Variants in FSIP1 observed in about 807,000 individuals in gnomAD.
FSIP1 encodes the protein fibrous sheath-interacting protein 1.
FSIP1 carries 65 observed loss-of-function variants against 60.9 expected under a neutral mutation model. That is an observed-to-expected ratio of 1.07 (90% CI 0.87 to 1.31). FSIP1 has a LOEUF of 1.31. Ranked by LOEUF, FSIP1 falls within the 40% of genes most tolerant of loss-of-function variation. FSIP1 has a pLI of 0.00. For synonymous variants in FSIP1, 209 were observed against 221.2 expected, an observed-to-expected ratio of 0.94 and a Z score of 0.49; for missense variants, 675 against 665.5, an observed-to-expected ratio of 1.01 and a Z score of -0.16.
At chr15:39,662,717 C>T (rs4372661) in intron 10 of FSIP1, among the ~76,000 whole-genome samples, 118,013 of 149,770 alleles carry the variant, frequency 0.79, 47,242 homozygotes, top group Non-Finnish European at 0.87. Flanking sequence ...CACTAAGTCA[C>T]TGAAAAAAAA....
intron 10 of FSIP1, among the ~76,000 whole-genome samples, chr15:39,635,230 G>C (rs1359741687): frequency 1.3e-5 from 2 of 152,072 alleles, no homozygotes; most frequent in Non-Finnish European, 1.5e-5. Context: ...AGCTACTTGG[G>C]AGGCTGAGGC....
At chr15:39,650,718 C>G (rs550748426) in intron 10 of FSIP1, among the ~76,000 whole-genome samples, 10 of 152,322 alleles carry the variant, frequency 6.6e-5, no homozygotes, top group Non-Finnish European at 1.3e-4. Context: ...CGTACAGCAT[C>G]TCAGCGTTGT....
intron 11 of FSIP1, among the ~76,000 whole-genome samples, chr15:39,606,458 T>C (rs1465460235): frequency 6.6e-6 from 1 of 152,240 alleles, no homozygotes; most frequent in Non-Finnish European, 1.5e-5. Flanking sequence ...CAATTCTCTG[T>C]GTTAAGAACA....
At chr15:39,635,348 T>C (rs913594054) in intron 10 of FSIP1, among the ~76,000 whole-genome samples, 1 of 150,324 alleles carries the variant, frequency 6.7e-6, no homozygotes, top group Non-Finnish European at 1.5e-5. Context: ...AAAAAAAAAA[T>C]CCATTTGCCA....
chr15:39,651,086 G>C (rs1892848717), intron 10 of FSIP1, among the ~76,000 whole-genome samples: 2 of 152,178 alleles, frequency 1.3e-5, no homozygotes, highest in African/African-American at 4.8e-5. Context: ...TGATGGGAGG[G>C]TGGGCATGAA....
At chr15:39,760,078 T>C (rs899016692) in intron 5 of FSIP1, among the ~76,000 whole-genome samples, 5 of 152,052 alleles carry the variant, frequency 3.3e-5, no homozygotes, top group South Asian at 2.1e-4. Context: ...ATTTAAAAAA[T>C]TGAAAAACTA....
intron 8 of FSIP1, among the ~76,000 whole-genome samples, chr15:39,731,563 T>C (rs1213726817): frequency 1.3e-5 from 2 of 152,242 alleles, no homozygotes; most frequent in Admixed American, 1.3e-4. Context: ...GAAATGTATA[T>C]GTTTTATGCA....
intron 1 of FSIP1, among the ~76,000 whole-genome samples, chr15:39,779,532 G>A (rs769694555): frequency 2.0e-5 from 3 of 152,146 alleles, no homozygotes; most frequent in Non-Finnish European, 2.9e-5. Context: ...TGAGCTATAC[G>A]CTATTGGTAC....
chr15:39,750,849 C>T (rs985899439), intron 5 of FSIP1, among the ~76,000 whole-genome samples: 2 of 151,680 alleles, frequency 1.3e-5, no homozygotes, highest in African/African-American at 4.8e-5. Flanking sequence ...AAGAAAAAAA[C>T]CTACAGATTG....
chr15:39,705,165 T>C (rs75327917), intron 10 of FSIP1, among the ~76,000 whole-genome samples: 2 of 152,334 alleles, frequency 1.3e-5, no homozygotes, highest in African/African-American at 2.4e-5. Flanking sequence ...TATTTTATCA[T>C]TAGTGGGATC....
chr15:39,736,014 T>C (rs999807100), intron 8 of FSIP1, among the ~76,000 whole-genome samples: 21 of 152,222 alleles, frequency 1.4e-4, no homozygotes, highest in African/African-American at 4.8e-4. Context: ...TTCTTCCTGA[T>C]GGACCTGCCT....
chr15:39,621,140 A>T (rs1891428632), intron 10 of FSIP1, among the ~76,000 whole-genome samples: 1 of 151,992 alleles, frequency 6.6e-6, no homozygotes, highest in Non-Finnish European at 1.5e-5. Flanking sequence ...TGTGAAAAAG[A>T]TCACAACAAA....
In FSIP1 at chr15:39,606,674, C is replaced by T. The variant is rs533684941; in HGVS notation, c.1700-5748G>A. ...CACTCAACAGGTCCAACGAGAAATT[C>T]CACTTTGTTTTTCTTAAAGAATTAG... On this transcript the variant is annotated intron_variant, in intron 11 of 11. Coordinates refer to ENST00000350221, the MANE Select transcript of FSIP1 (RefSeq NM_152597.5). 9.9e-5 allele frequency among the ~76,000 whole-genome samples: 15 copies of T among 152,272 alleles called. 1 individual carries two copies. Among genetic ancestry groups the T allele is most frequent in the Admixed American group, 9.2e-4 (14 of 15,290 alleles).
chr15:39,770,956 G>C (rs971916733), intron 2 of FSIP1, among the ~76,000 whole-genome samples: 5 of 152,246 alleles, frequency 3.3e-5, no homozygotes, highest in African/African-American at 1.2e-4. Context: ...TAATACGACA[G>C]CCACTTGCCA....
chr15:39,700,704 A>G (rs574998304), intron 10 of FSIP1, among the ~76,000 whole-genome samples: 5 of 152,132 alleles, frequency 3.3e-5, no homozygotes, highest in Non-Finnish European at 7.4e-5. Flanking sequence ...GGCTTTCACT[A>G]CTCCACTATG....
chr15:39,763,608 CA>C (rs1348093238), intron 5 of FSIP1, among the ~76,000 whole-genome samples: 2 of 152,158 alleles, frequency 1.3e-5, no homozygotes, highest in East Asian at 3.8e-4. Flanking sequence ...TCCCCCTTAC[CA>C]TCAAGCAGAC....
At chr15:39,680,744 A>G (rs1894128021) in intron 10 of FSIP1, among the ~76,000 whole-genome samples, 1 of 152,222 alleles carries the variant, frequency 6.6e-6, no homozygotes, top group Non-Finnish European at 1.5e-5. Flanking sequence ...AGTTTTCTCT[A>G]TAAATAACAA....
At chr15:39,744,570 C>G (rs1456054709) in intron 5 of FSIP1, among the ~76,000 whole-genome samples, 5 of 152,132 alleles carry the variant, frequency 3.3e-5, no homozygotes, top group Admixed American at 3.3e-4. Context: ...CCTGAAGAGG[C>G]TGGAGAAACC....
intron 10 of FSIP1, among the ~76,000 whole-genome samples, chr15:39,696,359 AAC>A (rs902907837): frequency 6.6e-6 from 1 of 152,218 alleles, no homozygotes; most frequent in African/African-American, 2.4e-5. Flanking sequence ...CTGAAGAAGA[AAC>A]ACAAACTGCC....
Sources: gnomAD v4.1 joint callset for allele counts (sites outside exome capture counted in the v4.1 genomes callset) on GRCh38, gnomAD v4.1.1 for gene constraint, MANE v1.5 for transcripts, NCBI Gene and HGNC (gene_info 2026-07-23, HGNC 2026-07-21) for gene names.